The following INPP4B variants were observed in gnomAD, a reference collection of about 807,000 sequenced individuals.
The protein encoded by INPP4B is inositol polyphosphate 4-phosphatase type II.
In INPP4B, 55 loss-of-function variants were observed where a neutral mutation model predicts 122.5. That is an observed-to-expected ratio of 0.45 (90% CI 0.36 to 0.56). The LOEUF (loss-of-function observed/expected upper bound fraction) is 0.56. Among genes scored for constraint, INPP4B ranks in the 20% least tolerant of loss-of-function variants. INPP4B has a pLI of 0.00. For missense variants in INPP4B, 1,000 were observed against 1,097.7 expected (o/e 0.91, Z 1.26); for synonymous variants, 403 against 388.7 (o/e 1.04, Z -0.43).
chr4:142,451,211 G>T (rs1314054223), intron 3 of INPP4B, among the ~76,000 whole-genome samples: 2 of 148,820 alleles, frequency 1.3e-5, no homozygotes, highest in Non-Finnish European at 3.0e-5. Context: ...AAAACTATTG[G>T]TGTTTGAACA....
At chr4:142,638,790 C>A (rs1272129075) in intron 2 of INPP4B, among the ~76,000 whole-genome samples, 1 of 152,114 alleles carries the variant, frequency 6.6e-6, no homozygotes, top group African/African-American at 2.4e-5. Context: ...TCGTGATCCA[C>A]CCACCTTGGC....
At chr4:142,593,110 A>T (rs1436617278) in intron 2 of INPP4B, among the ~76,000 whole-genome samples, 1 of 151,894 alleles carries the variant, frequency 6.6e-6, no homozygotes, top group African/African-American at 2.4e-5. Flanking sequence ...TTTTTAAAAA[A>T]AAAAAAAAAT....
intron 1 of INPP4B, among the ~76,000 whole-genome samples, chr4:142,759,957 G>C (rs1771083947): frequency 1.3e-5 from 2 of 151,818 alleles, no homozygotes; most frequent in Non-Finnish European, 2.9e-5. Context: ...AGGAGAAAAG[G>C]GGGGCTTTTT....
intron 2 of INPP4B, among the ~76,000 whole-genome samples, chr4:142,706,508 T>C (rs1008288724): frequency 2.6e-5 from 4 of 152,222 alleles, no homozygotes; most frequent in African/African-American, 9.7e-5. Flanking sequence ...TGCTTATCCA[T>C]CTGTTTCATG....
rs1376587768 is a variant in INPP4B at position 142,026,681 on chromosome 4, G to A, written c.*2101C>T. On this transcript the variant is annotated 3_prime_UTR_variant, in exon 26 of 26. Coordinates refer to ENST00000262992, the MANE Select transcript of INPP4B (RefSeq NM_001101669.3). ...GGGGTTTCACCATGTTGGCCAGGCT[G>A]ATCTCCAATTCCTGACCTCAGGTGA... 1 of 152,132 alleles carries A rather than the reference G, an allele frequency of 6.6e-6. No individual in the cohort carries two copies. The highest frequency in any genetic ancestry group is 1.5e-5 in the Non-Finnish European group (1 of 68,044). 9.4% of individuals were successfully genotyped at this position (152,132 alleles called of 1,614,324 possible).
chr4:142,621,392 C>T (rs1430917295), intron 2 of INPP4B, among the ~76,000 whole-genome samples: 1 of 151,896 alleles, frequency 6.6e-6, no homozygotes, highest in East Asian at 1.9e-4. Context: ...ATGATTACAA[C>T]CACACACCAC....
At chr4:142,675,785 C>A (rs11733242) in intron 2 of INPP4B, among the ~76,000 whole-genome samples, 4,849 of 152,148 alleles carry the variant, frequency 0.032, 118 homozygotes, top group Non-Finnish European at 0.047. Context: ...AGGACTTTGA[C>A]AAAACTCAAC....
intron 2 of INPP4B, among the ~76,000 whole-genome samples, chr4:142,681,238 T>G (rs1758575759): frequency 6.6e-6 from 1 of 151,832 alleles, no homozygotes; most frequent in Non-Finnish European, 1.5e-5. Flanking sequence ...TTACCATCCT[T>G]TTTTGAAACT....
intron 1 of INPP4B, among the ~76,000 whole-genome samples, chr4:142,735,713 T>C (rs1766761862): frequency 6.6e-6 from 1 of 152,186 alleles, no homozygotes; most frequent in African/African-American, 2.4e-5. Flanking sequence ...TGTCTCTATG[T>C]CTTATTATTA....
chr4:142,244,280 T>C (rs1405523102), intron 11 of INPP4B, among the ~76,000 whole-genome samples: 2 of 142,058 alleles, frequency 1.4e-5, no homozygotes, highest in Admixed American at 7.8e-5. Flanking sequence ...CCATGGTGTA[T>C]ATGTGCCTTT....
Position 142,193,173 on chromosome 4 carries a change from A to G in INPP4B, c.1095T>C (p.Thr365=). ...HLKDALYDVI[T]VGAPAAHFQG... ...GAAAATGGGCAGCTGGGGCTCCCAC[A>G]GTGATGACATCGTAGAGAGCATCTG... Residue 365 remains threonine (T), a synonymous_variant, in exon 15 of 26, where the codon ACT becomes ACC. Coordinates refer to ENST00000262992, the MANE Select transcript of INPP4B (RefSeq NM_001101669.3). 2.5e-6 allele frequency: 4 copies of G among 1,611,232 alleles called. No individual in the cohort carries two copies. Among genetic ancestry groups the G allele is most frequent in the Non-Finnish European group, 3.4e-6 (4 of 1,177,426 alleles).
At chr4:142,108,710 C>G (rs776821024) in intron 22 of INPP4B, among the ~76,000 whole-genome samples, 1 of 152,136 alleles carries the variant, frequency 6.6e-6, no homozygotes, top group Non-Finnish European at 1.5e-5. Flanking sequence ...TTTCTGCCGA[C>G]ATTTTTTTCG....
chr4:142,438,666 C>T (rs1038492514), intron 3 of INPP4B, among the ~76,000 whole-genome samples: 2 of 151,974 alleles, frequency 1.3e-5, no homozygotes, highest in Non-Finnish European at 2.9e-5. Flanking sequence ...ATGAAATTGC[C>T]AAAACAACTG....
intron 3 of INPP4B, among the ~76,000 whole-genome samples, chr4:142,439,931 C>A (rs1380685382): frequency 1.3e-5 from 2 of 152,158 alleles, no homozygotes; most frequent in African/African-American, 4.8e-5. Flanking sequence ...GAAAGCAATA[C>A]CATGCTCTCC....
At chr4:142,288,964 G>A (rs1755118004) in intron 9 of INPP4B, among the ~76,000 whole-genome samples, 1 of 152,056 alleles carries the variant, frequency 6.6e-6, no homozygotes. Context: ...TATTGCTTGG[G>A]TTTATCCTCT....
chr4:142,068,512 C>T (rs1414461569), intron 25 of INPP4B, among the ~76,000 whole-genome samples: 1 of 152,090 alleles, frequency 6.6e-6, no homozygotes, highest in African/African-American at 2.4e-5. Flanking sequence ...GGGCTAAATG[C>T]TCCAATTAAA....
intron 9 of INPP4B, among the ~76,000 whole-genome samples, chr4:142,276,959 C>T (rs571257765): frequency 3.9e-4 from 59 of 151,928 alleles, no homozygotes; most frequent in Non-Finnish European, 6.3e-4. Flanking sequence ...GGTGAGAAAA[C>T]AAGGTTGGCA....
chr4:142,269,753 A>G (rs1021199155), intron 10 of INPP4B, among the ~76,000 whole-genome samples: 3 of 152,214 alleles, frequency 2.0e-5, no homozygotes, highest in African/African-American at 7.2e-5. Flanking sequence ...GTGAGGCGAT[A>G]GATTTGTTAA....
chr4:142,746,763 C>T (rs1039699361), intron 1 of INPP4B, among the ~76,000 whole-genome samples: 1 of 152,066 alleles, frequency 6.6e-6, no homozygotes, highest in African/African-American at 2.4e-5. Context: ...CAAAAAGCAG[C>T]AATGGGGAAA....
Sources: allele counts gnomAD v4.1 joint callset (sites outside exome capture counted in the v4.1 genomes callset), GRCh38; gene constraint gnomAD v4.1.1; transcripts MANE v1.5; gene names NCBI Gene and HGNC (gene_info 2026-07-23, HGNC 2026-07-21).